Variants in CEP120 observed in about 807,000 individuals in gnomAD.
The protein encoded by CEP120 is centrosomal protein of 120 kDa.
In CEP120, 113 loss-of-function variants were observed where a neutral mutation model predicts 126.5. The ratio of observed to expected loss-of-function variants is 0.89; its 90% confidence interval spans 0.77 to 1.04. The LOEUF is 1.04. CEP120 is among the 50% of genes least tolerant of loss of function. The pLI is 0.00. For missense variants in CEP120, 1,230 were observed against 1,155.7 expected (o/e 1.06, Z -0.93); for synonymous variants, 400 against 394.3 (o/e 1.01, Z -0.17).
intron 4 of CEP120, chr5:123,401,116 T>C: frequency 6.2e-7 from 1 of 1,600,706 alleles, no homozygotes; most frequent in Non-Finnish European, 8.5e-7. Context: ...GTATGAATAC[T>C]CATGTTCTGC....
chr5:123,422,587 T>A, intron 1 of CEP120: 3 of 1,513,134 alleles, frequency 2.0e-6, no homozygotes, highest in South Asian at 2.4e-5. Flanking sequence ...TGTATTCAAG[T>A]CAAAGCTCTT....
intron 4 of CEP120, among the ~76,000 whole-genome samples, chr5:123,405,556 C>T (rs929291590): frequency 8.5e-5 from 13 of 152,134 alleles, no homozygotes; most frequent in African/African-American, 2.7e-4. Context: ...TCTGGTCTTC[C>T]ATGCAAGGGA....
intron 16 of CEP120, among the ~76,000 whole-genome samples, chr5:123,373,846 G>A (rs1426329728): frequency 2.6e-5 from 4 of 152,016 alleles, no homozygotes; most frequent in Non-Finnish European, 1.5e-5. Context: ...CCCAGCAGCA[G>A]TGGTCAACCT....
At chr5:123,370,770 T>C (rs1409387919) in intron 17 of CEP120, among the ~76,000 whole-genome samples, 13 of 148,098 alleles carry the variant, frequency 8.8e-5, no homozygotes, top group African/African-American at 3.2e-4. Flanking sequence ...TATATATATA[T>C]TATATATGTA....
intron 6 of CEP120, among the ~76,000 whole-genome samples, chr5:123,392,208 T>C (rs192562267): frequency 0.01 from 1,524 of 152,314 alleles, 12 homozygotes; most frequent in Non-Finnish European, 0.016. Context: ...ATGTCCTCCA[T>C]TAGAAACTAA....
Position 123,422,919 on chromosome 5 carries a change from CA to C in CEP120, c.49+30del, listed in dbSNP as rs755299769. 114 of 1,603,014 alleles carry C rather than the reference CA, an allele frequency of 7.1e-5. No individual in the cohort carries two copies. The African/African-American group carries it at 1.5e-3, about 20-fold the overall frequency. ...TAAGCTTTTAAAACTCGGGAGGCAG[CA>C]GTTGCAAAAGCAAGCCTCAGGCTGC... On this transcript the variant is annotated intron_variant, in intron 1 of 19. Coordinates refer to ENST00000306467, the MANE Select transcript of CEP120 (RefSeq NM_001375405.1).
At chr5:123,352,338 A>T (rs1016174373) in intron 18 of CEP120, among the ~76,000 whole-genome samples, 2 of 151,918 alleles carry the variant, frequency 1.3e-5, no homozygotes, top group Non-Finnish European at 2.9e-5. Context: ...GCTCTTTCCT[A>T]TTTAAGACAT....
intron 4 of CEP120, chr5:123,401,518 C>T: frequency 2.3e-6 from 3 of 1,286,160 alleles, no homozygotes; most frequent in Non-Finnish European, 3.4e-6. Context: ...CAGCCTCGGC[C>T]TGGCTGCGGT....
At chr5:123,360,670 A>ACC (rs1770007365) in intron 18 of CEP120, among the ~76,000 whole-genome samples, 2 of 151,856 alleles carry the variant, frequency 1.3e-5, no homozygotes, top group South Asian at 2.1e-4. Flanking sequence ...GGTAGGAAAT[A>ACC]CAAAAGAAGA....
rs1774826785 is a variant in CEP120 at position 123,423,067 on chromosome 5, T to G, written c.-69A>C. Reference sequence around the variant, plus strand: ...TGAGGTCCAGTTGAGTCGCGGGTAATCCGGGACCCCCGGCGGGACCCCCAC... The same window carrying G: ...TGAGGTCCAGTTGAGTCGCGGGTAAGCCGGGACCCCCGGCGGGACCCCCAC... On this transcript the variant is annotated 5_prime_UTR_variant, in exon 1 of 20. Transcript: ENST00000306467. The G allele has an allele frequency of 1.5e-6, 2 of 1,378,494 alleles. No individual in the cohort carries two copies. Among genetic ancestry groups the G allele is most frequent in the Non-Finnish European group, 2.1e-6 (2 of 970,164 alleles). The allele number at this position is 1,378,494 out of a possible 1,614,324, so 85.4% of individuals were successfully genotyped here.
At chr5:123,363,399 G>T (rs1186959737) in intron 18 of CEP120, among the ~76,000 whole-genome samples, 1 of 151,434 alleles carries the variant, frequency 6.6e-6, no homozygotes, top group East Asian at 1.9e-4. Flanking sequence ...GTGATGGAAA[G>T]GCCTATGTCT....
At chr5:123,357,154 A>C (rs1372052176) in intron 18 of CEP120, among the ~76,000 whole-genome samples, 1 of 152,134 alleles carries the variant, frequency 6.6e-6, no homozygotes, top group Non-Finnish European at 1.5e-5. Context: ...TGTCAGTCTT[A>C]TCATTGCTCC....
rs1772519929 is a variant in CEP120, at chr5:123,393,192, C to A, written c.810+108G>T. The stretch of plus-strand genomic sequence containing the variant: ...AGATGTGGCAGAAAGATAACCTGTA[C>A]TACTGAAATAGGATTAAGTTTAGGT... On this transcript the variant is annotated intron_variant, in intron 6 of 19. Transcript: ENST00000306467. 6 of 962,954 alleles carry A rather than the reference C, an allele frequency of 6.2e-6. No homozygotes were observed. In the Admixed American group the frequency reaches 1.1e-4, roughly 17 times the overall value. The allele number at this position is 962,954 out of a possible 1,614,324, so 59.7% of individuals were successfully genotyped here.
Position 123,389,890 on chromosome 5 carries a change from C to T in CEP120, c.1255+34G>A, listed in dbSNP as rs1226953503. Reference sequence around the variant, plus strand: ...TAGATGGCTGCAAAATGCAATACCTCAAAGATCTATAAACAAACAACAAAA... The same window carrying T: ...TAGATGGCTGCAAAATGCAATACCTTAAAGATCTATAAACAAACAACAAAA... On this transcript the variant is annotated intron_variant, in intron 8 of 19. Transcript: ENST00000306467. 3.2e-6 allele frequency: 5 copies of T among 1,563,056 alleles called. No homozygotes were observed. The Admixed American group carries it at 6.7e-5, about 21-fold the overall frequency.
chr5:123,401,611 C>T, intron 4 of CEP120: 2 of 1,422,092 alleles, frequency 1.4e-6, no homozygotes, highest in Non-Finnish European at 2.0e-6. Context: ...TGGACAGCAC[C>T]ACAGATGTGT....
chr5:123,364,238 AG>A (rs1204516411), intron 18 of CEP120, among the ~76,000 whole-genome samples: 1 of 151,608 alleles, frequency 6.6e-6, no homozygotes, highest in Non-Finnish European at 1.5e-5. Flanking sequence ...TATAAGTGAA[AG>A]TAAAATAAAT....
chr5:123,423,004 C>T lies in CEP120; in HGVS notation c.-6G>A, dbSNP rs1474164627. 6.8e-6 allele frequency: 11 copies of T among 1,613,762 alleles called. No individual in the cohort carries two copies. On this transcript the variant is annotated 5_prime_UTR_variant, in exon 1 of 20. Coordinates refer to ENST00000306467, the MANE Select transcript of CEP120 (RefSeq NM_001375405.1). ...TGGTCGGATTTGGAGACCATGGTTGCGGTGAGCGGTCCGGGGGCGAAGGCG... is the reference window on the plus strand; with the variant it reads ...TGGTCGGATTTGGAGACCATGGTTGTGGTGAGCGGTCCGGGGGCGAAGGCG...
At chr5:123,388,801 T>C (rs1772193618) in intron 8 of CEP120, among the ~76,000 whole-genome samples, 195 bp from the exon 9 acceptor site, 1 of 152,196 alleles carries the variant, frequency 6.6e-6, no homozygotes. Flanking sequence ...TTAATTTCCA[T>C]TCTAGAATTG....
At chr5:123,375,113 G>A (rs1771119367) in intron 16 of CEP120, among the ~76,000 whole-genome samples, 1 of 152,096 alleles carries the variant, frequency 6.6e-6, no homozygotes, top group East Asian at 1.9e-4. Context: ...CCTAAAACGT[G>A]AAATGTATAC....
Sources: allele counts gnomAD v4.1 joint callset (sites outside exome capture counted in the v4.1 genomes callset), GRCh38; gene constraint gnomAD v4.1.1; transcripts MANE v1.5; gene names NCBI Gene and HGNC (gene_info 2026-07-23, HGNC 2026-07-21).